Variants in PEX2 observed in about 807,000 individuals in gnomAD.
The protein encoded by PEX2 is peroxisomal biogenesis factor 2, also known as peroxisome biogenesis factor 2.
PEX2 carries 19 observed loss-of-function variants against 25.2 expected under a neutral mutation model. The ratio of observed to expected loss-of-function variants is 0.75; its 90% CI spans 0.53 to 1.10. The LOEUF (loss-of-function observed/expected upper bound fraction) is 1.10, where lower values mean the gene tolerates loss of function less well. Among genes scored for constraint, PEX2 ranks in the 50% least tolerant of loss-of-function variants. The probability of loss-of-function intolerance (pLI) is 0.00; values close to 1 mark genes in which losing one functional copy is unlikely to be tolerated. For missense variants in PEX2, 347 were observed against 350.6 expected (o/e 0.99, Z 0.08); for synonymous variants, 141 against 127.7 (o/e 1.10, Z -0.70).
chr8:76,989,561 C>T (rs1442489057), intron 1 of PEX2, among the ~76,000 whole-genome samples: 1 of 152,164 alleles, frequency 6.6e-6, no homozygotes, highest in Non-Finnish European at 1.5e-5. Context: ...GTCAAAATTA[C>T]TCCTTGATCC....
At chr8:76,995,364 T>C (rs1807293152) in intron 1 of PEX2, among the ~76,000 whole-genome samples, 1 of 152,252 alleles carries the variant, frequency 6.6e-6, no homozygotes, top group Non-Finnish European at 1.5e-5. Flanking sequence ...AGGATTTTTC[T>C]TTTTGAAGTG....
chr8:76,991,640 C>T (rs1477458728), intron 1 of PEX2, among the ~76,000 whole-genome samples: 1 of 152,114 alleles, frequency 6.6e-6, no homozygotes, highest in African/African-American at 2.4e-5. Flanking sequence ...AATACTTCTC[C>T]CATGCTCTAC....
chr8:76,991,611 C>A (rs1395907171), intron 1 of PEX2, among the ~76,000 whole-genome samples: 1 of 152,154 alleles, frequency 6.6e-6, no homozygotes, highest in Non-Finnish European at 1.5e-5. Flanking sequence ...CTATTACACA[C>A]CATAGTTCAT....
rs1460788564 is a variant in PEX2, at chr8:76,983,989, A to T, written c.190T>A (p.Leu64Met). The change falls in exon 4 of 4, where the codon TTG (leucine) becomes ATG (methionine). Residue 64 changes from leucine (L) to methionine (M), a missense_variant. Leu to Met is a conservative substitution (Grantham distance 15). Coordinates refer to ENST00000357039, the MANE Select transcript of PEX2 (RefSeq NM_000318.3). ...TTGGAGTAGATGGTGAATCTCCACA[A>T]GAAAACCCATAAGCACGCTTTCACC... ...PEVKACLWVFLWRFTIYSKNA... is the reference protein window; with the variant it reads ...PEVKACLWVFMWRFTIYSKNA... 5 of 1,614,182 alleles carry T rather than the reference A, an allele frequency of 3.1e-6. No individual in the cohort carries two copies. Among genetic ancestry groups the T allele is most frequent in the Non-Finnish European group, 4.2e-6 (5 of 1,180,014 alleles).
In PEX2 at chr8:76,983,231, T is replaced by TA; in HGVS notation, c.*29_*30insT. The TA allele has an allele frequency of 1.2e-6, 2 of 1,606,738 alleles. No individual in the cohort carries two copies. Among genetic ancestry groups the TA allele is most frequent in the Non-Finnish European group, 1.7e-6 (2 of 1,179,864 alleles). On this transcript the variant is annotated 3_prime_UTR_variant, in exon 4 of 4. Transcript: ENST00000357039. ...TATTAAGAATTTAAACACGGTGCAT[T>TA]TTTTTCCTCAAAGGAAGCAATTTTA...
chr8:76,989,071 G>A (rs892817660), intron 1 of PEX2, among the ~76,000 whole-genome samples: 5 of 151,052 alleles, frequency 3.3e-5, no homozygotes, highest in Admixed American at 2.0e-4. Context: ...TAGCTACTAA[G>A]GGGAGGCTGA....
Position 76,983,166 on chromosome 8 carries a change from C to A in PEX2, c.*95G>T. The A allele has an allele frequency of 6.3e-7, 1 of 1,594,746 alleles. No homozygotes were observed. The highest frequency in any genetic ancestry group is 8.5e-7 in the Non-Finnish European group (1 of 1,177,876). ...GAAGACAGTGGCTAGGAGCACATTC[C>A]TTATAAAGGATACATAAATGGTATA... On this transcript the variant is annotated 3_prime_UTR_variant, in exon 4 of 4. Transcript: ENST00000357039.
At chr8:76,997,700 A>C (rs1297857128) in intron 1 of PEX2, among the ~76,000 whole-genome samples, 1 of 152,382 alleles carries the variant, frequency 6.6e-6, no homozygotes, top group Admixed American at 6.5e-5. Context: ...ACAGGCAGTA[A>C]TAAGGGAGAT....
Position 76,983,616 on chromosome 8 carries a change from A to C in PEX2, c.563T>G (p.Phe188Cys). The change falls in exon 4 of 4, where the codon TTT becomes TGT. Residue 188 changes from phenylalanine to cysteine, a missense_variant. By Grantham distance (205) the Phe-to-Cys change is radical. Coordinates refer to ENST00000357039, the MANE Select transcript of PEX2 (RefSeq NM_000318.3). ...GAGAAGTTCCCTATTCATGTATTCAAAGCCAACTTCACATATGTTTTGAGG... is the reference window on the plus strand; with the variant it reads ...GAGAAGTTCCCTATTCATGTATTCACAGCCAACTTCACATATGTTTTGAGG... ...CKPQNICEVG[F>C]EYMNRELLWH... 6.2e-7 allele frequency: 1 copy of C among 1,614,090 alleles called. No homozygotes were observed. The highest frequency in any genetic ancestry group is 1.1e-5 in the South Asian group (1 of 91,080).
chr8:76,999,836 C>A, intron 1 of PEX2, 154 bp downstream of exon 1: 2 of 456,524 alleles, frequency 4.4e-6, no homozygotes, highest in Non-Finnish European at 8.8e-6. Context: ...CAAAATTCAG[C>A]AGCTTTGATT....
intron 1 of PEX2, among the ~76,000 whole-genome samples, chr8:76,997,488 G>C (rs1277719444): frequency 6.6e-6 from 1 of 152,100 alleles, no homozygotes; most frequent in Non-Finnish European, 1.5e-5. Flanking sequence ...AGAACTGCTT[G>C]AACTCGGGAG....
Position 76,982,746 on chromosome 8 carries a change from T to G in PEX2, c.*515A>C, listed in dbSNP as rs773041848. The G allele has an allele frequency of 6.4e-6, 1 of 156,086 alleles. No homozygotes were observed. Among genetic ancestry groups the G allele is most frequent in the Non-Finnish European group, 1.4e-5 (1 of 71,104 alleles). The allele number at this position is 156,086 out of a possible 1,614,324, so 9.7% of individuals were successfully genotyped here. A position where few individuals can be genotyped will look rare whatever the true frequency, so the allele number is the denominator to read the frequency against. On this transcript the variant is annotated 3_prime_UTR_variant, in exon 4 of 4. Coordinates refer to ENST00000357039, the MANE Select transcript of PEX2 (RefSeq NM_000318.3). ...ATTGCTTGAACCCGGGAGGCGGACGTTGCAGTGAGCAGAGATCGCGCCACT... is the reference window on the plus strand; with the variant it reads ...ATTGCTTGAACCCGGGAGGCGGACGGTGCAGTGAGCAGAGATCGCGCCACT...
intron 1 of PEX2, among the ~76,000 whole-genome samples, chr8:76,995,852 T>C (rs1807310481): frequency 6.6e-6 from 1 of 152,142 alleles, no homozygotes; most frequent in South Asian, 2.1e-4. Flanking sequence ...TAGCCCAGGT[T>C]CACTAACAGA....
rs1563606116 is a variant in PEX2 at position 76,983,517 on chromosome 8, G to A, written c.662C>T (p.Ser221Phe). 2.5e-6 allele frequency: 4 copies of A among 1,614,046 alleles called. No homozygotes were observed. Among genetic ancestry groups the A allele is most frequent in the Non-Finnish European group, 3.4e-6 (4 of 1,179,996 alleles). Residue 221 changes from serine (S) to phenylalanine (F), a missense_variant, in exon 4 of 4, where the codon TCT (serine) becomes TTT (phenylalanine). Ser to Phe is a radical substitution (Grantham distance 155). Coordinates refer to ENST00000357039, the MANE Select transcript of PEX2 (RefSeq NM_000318.3). ...ACCAGTAAGAGGAATACACCATGAA[G>A]ACAGCTTGGCTTTCAACTTCTGGAC... ...INVQKLKAKL[S>F]SWCIPLTGAP...
At chr8:77,000,112 C>T (rs1161559090), upstream of PEX2, 1 of 355,168 alleles carries the variant, frequency 2.8e-6, no homozygotes, top group Non-Finnish European at 5.5e-6. Context: ...GCTTCCGGAG[C>T]GACGCAGGAG....
chr8:76,986,831 A>C (rs1253082029), intron 2 of PEX2, among the ~76,000 whole-genome samples: 1 of 152,050 alleles, frequency 6.6e-6, no homozygotes, highest in Admixed American at 6.6e-5. Flanking sequence ...ACTACTTTTA[A>C]ATGGTTTATT....
chr8:76,993,643 T>C (rs1807237113), intron 1 of PEX2, among the ~76,000 whole-genome samples: 1 of 152,196 alleles, frequency 6.6e-6, no homozygotes, highest in Non-Finnish European at 1.5e-5. Context: ...AAATGTAAGC[T>C]CAAACTTGAA....
At chr8:76,985,513 A>C (rs1030757984) in intron 3 of PEX2, among the ~76,000 whole-genome samples, 1 of 152,168 alleles carries the variant, frequency 6.6e-6, no homozygotes, top group Non-Finnish European at 1.5e-5. Context: ...GATGTAATTA[A>C]CTTGATTGTG....
chr8:76,992,674 G>C (rs994540707), intron 1 of PEX2, among the ~76,000 whole-genome samples: 1 of 152,164 alleles, frequency 6.6e-6, no homozygotes, highest in Non-Finnish European at 1.5e-5. Context: ...TAAGCAGTTT[G>C]TGTTTTAGTG....
Sources: gnomAD v4.1 joint callset for allele counts (sites outside exome capture counted in the v4.1 genomes callset) on GRCh38, gnomAD v4.1.1 for gene constraint, MANE v1.5 for transcripts, NCBI Gene and HGNC (gene_info 2026-07-23, HGNC 2026-07-21) for gene names.